Variants in ARHGAP18 observed in about 807,000 individuals in gnomAD.
The protein encoded by ARHGAP18 is rho GTPase-activating protein 18.
Under a neutral mutation model 86.2 loss-of-function variants are expected in ARHGAP18, and 67 were observed. The ratio of observed to expected loss-of-function variants is 0.78; its 90% CI spans 0.64 to 0.95. The LOEUF (loss-of-function observed/expected upper bound fraction) is 0.95. Ranked by LOEUF, ARHGAP18 falls within the 40% of genes least tolerant of loss-of-function variation. The probability of loss-of-function intolerance (pLI) is 0.00; values close to 1 mark genes in which losing one functional copy is unlikely to be tolerated. For synonymous variants in ARHGAP18, 283 were observed against 280.4 expected, an observed-to-expected ratio of 1.01 and a Z score of -0.09; for missense variants, 691 against 780.4, an observed-to-expected ratio of 0.89 and a Z score of 1.37.
chr6:129,614,523 C>T (rs1789052160), intron 7 of ARHGAP18, among the ~76,000 whole-genome samples: 1 of 151,950 alleles, frequency 6.6e-6, no homozygotes, highest in Non-Finnish European at 1.5e-5. Context: ...AAATAACCAA[C>T]TAAATAAATT....
At position 129,629,523 on chromosome 6, in the gene ARHGAP18, C is replaced by A; in HGVS notation, c.617-1G>T. ...TCACCAACAAGGTTAGATGCCTCGT[C>A]TAGGGGCCCGGGGGGAAAGAACCCA... On this transcript the variant is annotated splice_acceptor_variant, in intron 4 of 14. Coordinates refer to ENST00000368149, the MANE Select transcript of ARHGAP18 (RefSeq NM_033515.3). LOFTEE classifies it high-confidence loss of function. 1 of 1,608,502 alleles carries A rather than the reference C, an allele frequency of 6.2e-7. No homozygotes were observed.
At chr6:129,633,434 CA>C (rs34853507) in intron 4 of ARHGAP18, among the ~76,000 whole-genome samples, 135 of 104,428 alleles carry the variant, frequency 1.3e-3, no homozygotes, top group Middle Eastern at 4.8e-3. Flanking sequence ...GACTCCACCT[CA>C]AAAAAAAAAA....
intron 1 of ARHGAP18, among the ~76,000 whole-genome samples, chr6:129,694,582 T>C (rs1465077693): frequency 6.6e-6 from 1 of 152,154 alleles, no homozygotes; most frequent in Non-Finnish European, 1.5e-5. Context: ...AAAACTCCCA[T>C]GTCGAATAAA....
At chr6:129,696,705 C>G (rs1373427775) in intron 1 of ARHGAP18, among the ~76,000 whole-genome samples, 1 of 144,822 alleles carries the variant, frequency 6.9e-6, no homozygotes, top group African/African-American at 2.5e-5. Flanking sequence ...AAGTTACCAA[C>G]AAAGCAAGGC....
chr6:129,646,025 G>A (rs536509774), intron 1 of ARHGAP18, among the ~76,000 whole-genome samples: 1 of 152,232 alleles, frequency 6.6e-6, no homozygotes, highest in South Asian at 2.1e-4. Flanking sequence ...TTTTGTCATA[G>A]CAAATATTAA....
rs368260912 is a variant in ARHGAP18, at chr6:129,710,046, C to T, written c.91G>A (p.Ala31Thr). ...DQTVGNSHAK[A>T]GEEATSSRRY... ...TACCTCGAGGTGGCTTCCTCCCCTG[C>T]CTTTGCATGGCTGTTCCCGACGGTC... The change falls in exon 1 of 15, where the codon GCA (alanine) becomes ACA (threonine). Residue 31 changes from alanine to threonine, a missense_variant. Coordinates refer to ENST00000368149, the MANE Select transcript of ARHGAP18 (RefSeq NM_033515.3). 6.8e-6 allele frequency: 11 copies of T among 1,613,942 alleles called. No individual in the cohort carries two copies. Among genetic ancestry groups the T allele is most frequent in the Non-Finnish European group, 9.3e-6 (11 of 1,179,922 alleles).
rs551334513 is a variant in ARHGAP18, at chr6:129,617,240, A to C, written c.953-937T>G. On this transcript the variant is annotated intron_variant, in intron 6 of 14. Coordinates refer to ENST00000368149, the MANE Select transcript of ARHGAP18 (RefSeq NM_033515.3). ...GTCTGGTATGAACATGGCTTCGACC[A>C]ACACCTCCACCCTGCCCCCATCACT... Among the ~76,000 whole-genome samples the C allele has an allele frequency of 2.6e-5, 4 of 152,298 alleles. No individual in the cohort carries two copies. The South Asian group carries it at 8.3e-4, about 32-fold the overall frequency.
chr6:129,703,767 A>G (rs1774756724), intron 1 of ARHGAP18, among the ~76,000 whole-genome samples: 1 of 152,236 alleles, frequency 6.6e-6, no homozygotes, highest in Non-Finnish European at 1.5e-5. Flanking sequence ...TGCCTTTACA[A>G]AGGACTCTTA....
intron 1 of ARHGAP18, among the ~76,000 whole-genome samples, chr6:129,685,519 T>A (rs1012660569): frequency 1.3e-5 from 2 of 151,720 alleles, no homozygotes; most frequent in East Asian, 3.9e-4. Context: ...AAAAAAAAAA[T>A]TGTGAAATAT....
At chr6:129,620,181 C>A (rs759912430) in intron 5 of ARHGAP18, among the ~76,000 whole-genome samples, 56 of 152,118 alleles carry the variant, frequency 3.7e-4, no homozygotes, top group Non-Finnish European at 7.1e-4. Context: ...AGTCTAAACA[C>A]AAAATTCATT....
chr6:129,657,429 T>TAAAAAAA (rs373569721), intron 1 of ARHGAP18, among the ~76,000 whole-genome samples: 1 of 136,636 alleles, frequency 7.3e-6, no homozygotes, highest in Non-Finnish European at 1.6e-5. Context: ...TTTTTGAAAT[T>TAAAAAAA]AAAAAAAAAA....
intron 1 of ARHGAP18, among the ~76,000 whole-genome samples, chr6:129,675,375 C>T (rs1433537154): frequency 1.4e-5 from 2 of 140,506 alleles, no homozygotes; most frequent in Non-Finnish European, 3.0e-5. Context: ...CAGAGCGAGA[C>T]TCCATCTCAA....
intron 1 of ARHGAP18, among the ~76,000 whole-genome samples, chr6:129,691,872 C>T (rs1774535765): frequency 6.6e-6 from 1 of 152,166 alleles, no homozygotes; most frequent in African/African-American, 2.4e-5. Context: ...CATCTGACAT[C>T]CCCGTTCCTG....
intron 10 of ARHGAP18, among the ~76,000 whole-genome samples, chr6:129,604,875 A>G (rs1393513648): frequency 6.6e-6 from 1 of 152,180 alleles, no homozygotes; most frequent in East Asian, 1.9e-4. Context: ...TCATCAAGAA[A>G]AGTTGAGTAT....
intron 1 of ARHGAP18, among the ~76,000 whole-genome samples, chr6:129,706,104 T>C (rs1057008504): frequency 2.0e-5 from 3 of 152,204 alleles, no homozygotes; most frequent in African/African-American, 7.2e-5. Flanking sequence ...TAAAAAAGGT[T>C]ACTTGACATT....
intron 12 of ARHGAP18, among the ~76,000 whole-genome samples, chr6:129,584,730 C>T (rs1788360597): frequency 6.6e-6 from 1 of 152,134 alleles, no homozygotes; most frequent in East Asian, 1.9e-4. Context: ...GTTTGTAATA[C>T]CAAAATGTCA....
chr6:129,625,094 A>T (rs1789331245), intron 5 of ARHGAP18, among the ~76,000 whole-genome samples: 1 of 99,030 alleles, frequency 1.0e-5, no homozygotes, highest in Admixed American at 1.6e-4. Context: ...TATATGATAT[A>T]TGATATATAT....
intron 12 of ARHGAP18, among the ~76,000 whole-genome samples, chr6:129,595,791 A>G (rs1476437183): frequency 6.6e-6 from 1 of 152,174 alleles, no homozygotes; most frequent in Admixed American, 6.5e-5. Flanking sequence ...TAAATGTCCA[A>G]TAGACATCAT....
chr6:129,671,566 T>G (rs1774142683), intron 1 of ARHGAP18, among the ~76,000 whole-genome samples: 1 of 151,906 alleles, frequency 6.6e-6, no homozygotes, highest in East Asian at 1.9e-4. Flanking sequence ...CCAGGTGCAG[T>G]GATGTGAGCC....
Sources: allele counts gnomAD v4.1 joint callset (sites outside exome capture counted in the v4.1 genomes callset), GRCh38; gene constraint gnomAD v4.1.1; transcripts MANE v1.5; gene names NCBI Gene and HGNC (gene_info 2026-07-23, HGNC 2026-07-21).